Variants in RAD54L2 observed in about 807,000 individuals in gnomAD.
The protein encoded by RAD54L2 is helicase ARIP4.
In RAD54L2, 27 loss-of-function variants were observed where a neutral mutation model predicts 138.4. That is an observed-to-expected ratio of 0.20 (90% CI 0.14 to 0.27). The LOEUF (loss-of-function observed/expected upper bound fraction) is 0.27. Among genes scored for constraint, RAD54L2 ranks in the 10% least tolerant of loss-of-function variants. RAD54L2 has a pLI of 1.00. For synonymous variants in RAD54L2, 644 were observed against 723.2 expected (o/e 0.89, Z 1.76); for missense variants, 1,396 against 1,890.2 (o/e 0.74, Z 4.85).
intron 2 of RAD54L2, among the ~76,000 whole-genome samples, chr3:51,552,310 T>A (rs1698857944): frequency 6.6e-6 from 1 of 152,010 alleles, no homozygotes; most frequent in African/African-American, 2.4e-5. Flanking sequence ...TCGCCCAGGC[T>A]AGAGTGCAGT....
chr3:51,653,071 A>G (rs1281302077), intron 19 of RAD54L2, among the ~76,000 whole-genome samples: 1 of 152,238 alleles, frequency 6.6e-6, no homozygotes, highest in Non-Finnish European at 1.5e-5. Flanking sequence ...AAGAACTTAA[A>G]CAAATTTACA....
rs760046858 is a variant in RAD54L2, at chr3:51,663,192, C to T, written c.4176C>T (p.Ser1392=). 32 of 1,613,852 alleles carry T rather than the reference C, an allele frequency of 2.0e-5. No individual in the cohort carries two copies. Among genetic ancestry groups the T allele is most frequent in the African/African-American group, 9.3e-5 (7 of 74,918 alleles). The part of the protein sequence containing the change: ...YSLPFSQPLL[S]EPRMFAPFPS... ...TCCCATTCTCACAGCCACTCCTGTC[C>T]GAGCCGAGGATGTTTGCGCCTTTTC... Residue 1392 remains serine, a synonymous_variant, in exon 23 of 23, where the codon TCC becomes TCT. Coordinates refer to ENST00000684192, the MANE Select transcript of RAD54L2 (RefSeq NM_015106.4).
At chr3:51,642,676 A>G (rs1284892297) in intron 15 of RAD54L2, among the ~76,000 whole-genome samples, 3 of 152,136 alleles carry the variant, frequency 2.0e-5, no homozygotes, top group African/African-American at 4.8e-5. Context: ...AGACATTGCA[A>G]AATGTCCCGT....
intron 2 of RAD54L2, among the ~76,000 whole-genome samples, chr3:51,549,777 CA>C (rs5848927): frequency 0.042 from 2,645 of 63,024 alleles, 62 homozygotes; most frequent in African/African-American, 0.12. Context: ...GTCTCCATCT[CA>C]AAAAAAAAAA....
At chr3:51,574,964 GT>G (rs1254224260) in intron 2 of RAD54L2, among the ~76,000 whole-genome samples, 3 of 152,092 alleles carry the variant, frequency 2.0e-5, no homozygotes, top group Admixed American at 2.0e-4. Flanking sequence ...TTCTTCTAGG[GT>G]TTTTTTGGTT....
In RAD54L2 at chr3:51,645,794, A is replaced by G; in HGVS notation, c.2829+31A>G. The G allele has an allele frequency of 6.4e-7, 1 of 1,573,898 alleles. No individual in the cohort carries two copies. The highest frequency in any genetic ancestry group is 1.2e-5 in the South Asian group (1 of 84,870). On this transcript the variant is annotated intron_variant, in intron 18 of 22. Transcript: ENST00000684192. This position sits in a 1 kb window ranked among gnomAD's most constrained non-coding sequence, Gnocchi z 6.1. ...AACTTGGTATGCATGCAATCCCCAG[A>G]GTGGCAGTCTCTCTGTCAAAGGAGG...
At chr3:51,560,461 G>A (rs1014181337) in intron 2 of RAD54L2, among the ~76,000 whole-genome samples, 16 of 150,854 alleles carry the variant, frequency 1.1e-4, no homozygotes, top group African/African-American at 2.9e-4. Flanking sequence ...CTGGGATCAC[G>A]CCATTCTCCT....
chr3:51,609,229 C>T (rs1161218660), intron 3 of RAD54L2, among the ~76,000 whole-genome samples: 1 of 152,194 alleles, frequency 6.6e-6, no homozygotes, highest in Non-Finnish European at 1.5e-5. Context: ...TCTTCTCTGA[C>T]CAGAGTTTAC....
intron 2 of RAD54L2, among the ~76,000 whole-genome samples, chr3:51,551,105 A>C (rs1440802349): frequency 1.3e-5 from 2 of 150,262 alleles, no homozygotes; most frequent in East Asian, 3.9e-4. Context: ...TAGTCTATCT[A>C]CCTTTCTGTG....
chr3:51,539,628 G>A (rs1454216216), intron 1 of RAD54L2, among the ~76,000 whole-genome samples: 1 of 152,022 alleles, frequency 6.6e-6, no homozygotes, highest in Non-Finnish European at 1.5e-5. Context: ...TTGTGGTTTG[G>A]GGAGTGTAGA....
At position 51,662,438 on chromosome 3, in the gene RAD54L2, C is replaced by T; in HGVS notation, c.3422C>T (p.Pro1141Leu). 6.6e-7 allele frequency: 1 copy of T among 1,525,314 alleles called. No individual in the cohort carries two copies. The highest frequency in any genetic ancestry group is 8.8e-7 in the Non-Finnish European group (1 of 1,134,786). The allele number at this position is 1,525,314 out of a possible 1,614,324, so 94.5% of individuals were successfully genotyped here. Residue 1141 changes from proline (P) to leucine (L), a missense_variant, in exon 23 of 23, where the codon CCT (proline) becomes CTT (leucine). Coordinates refer to ENST00000684192, the MANE Select transcript of RAD54L2 (RefSeq NM_015106.4). The surrounding 1 kb of genome is among the most constrained non-coding windows in gnomAD (Gnocchi z 4.6). ...GRMAASGSQG[P>L]SCESTSNGRH... ...ATTTTGTCCCCAGGTTCCCAGGGAC[C>T]TTCTTGCGAGTCCACAAGCAACGGC...
At chr3:51,574,905 T>G (rs962738912) in intron 2 of RAD54L2, among the ~76,000 whole-genome samples, 3 of 152,200 alleles carry the variant, frequency 2.0e-5, no homozygotes, top group Non-Finnish European at 4.4e-5. Context: ...GGTGTTTTAG[T>G]CATGAAATCC....
At chr3:51,618,134 A>ATT (rs58259844) in intron 3 of RAD54L2, among the ~76,000 whole-genome samples, 3 of 112,138 alleles carry the variant, frequency 2.7e-5, no homozygotes, top group Non-Finnish European at 3.8e-5. Flanking sequence ...AATATTTTGT[A>ATT]TTTTTTTTTT....
Position 51,667,788 on chromosome 3 carries a change from C to T in RAD54L2, c.*4368C>T, listed in dbSNP as rs1701941542. On this transcript the variant is annotated 3_prime_UTR_variant, in exon 23 of 23. Transcript: ENST00000684192. ...TTAGCCCTAGGCCTTTTATGAATAC[C>T]TGAGTCTTATAACAATGAACTTCTT... The T allele has an allele frequency of 6.6e-6, 1 of 152,268 alleles. No individual in the cohort carries two copies. Among genetic ancestry groups the T allele is most frequent in the Non-Finnish European group, 1.5e-5 (1 of 68,110 alleles). The allele number at this position is 152,268 out of a possible 1,614,324, so 9.4% of individuals were successfully genotyped here.
chr3:51,620,375 AGGC>A (rs1700543390), intron 3 of RAD54L2, among the ~76,000 whole-genome samples: 1 of 141,904 alleles, frequency 7.0e-6, no homozygotes, highest in South Asian at 2.2e-4. Context: ...CTGGGATTAC[AGGC>A]GTGATCCACT....
At position 51,637,258 on chromosome 3, in the gene RAD54L2, G is replaced by T; in HGVS notation, c.1437G>T (p.Leu479=). The T allele has an allele frequency of 6.2e-7, 1 of 1,604,642 alleles. No individual in the cohort carries two copies. Among genetic ancestry groups the T allele is most frequent in the East Asian group, 2.3e-5 (1 of 44,422 alleles). ...KNCQASTSQA[L]KNIRSRRRVV... is the part of the protein sequence containing the mutation. Reference sequence around the variant, plus strand: ...GCCAGGCCAGCACCTCACAGGCTCTGAAGAATATCCGCTCTCGCCGCCGGG... The same window carrying T: ...GCCAGGCCAGCACCTCACAGGCTCTTAAGAATATCCGCTCTCGCCGCCGGG... The change falls in exon 11 of 23, where the codon CTG becomes CTT. Residue 479 remains leucine (L), a synonymous_variant. Transcript: ENST00000684192. The surrounding 1 kb of genome is among the most constrained non-coding windows in gnomAD (Gnocchi z 5.9).
intron 2 of RAD54L2, among the ~76,000 whole-genome samples, chr3:51,576,037 A>G (rs1699473756): frequency 6.6e-6 from 1 of 152,172 alleles, no homozygotes; most frequent in South Asian, 2.1e-4. Context: ...TACCTAGTTT[A>G]TTGAGAGTTT....
intron 3 of RAD54L2, among the ~76,000 whole-genome samples, chr3:51,621,087 C>CA (rs960677704): frequency 6.6e-6 from 1 of 151,384 alleles, no homozygotes; most frequent in African/African-American, 2.4e-5. Context: ...TTTGAAATAA[C>CA]AGATTTTTTA....
intron 1 of RAD54L2, among the ~76,000 whole-genome samples, chr3:51,539,315 G>A (rs1220242877): frequency 1.3e-5 from 2 of 152,156 alleles, no homozygotes; most frequent in Admixed American, 6.5e-5. Context: ...TAATCCCTAA[G>A]GCGCATCTGG....
Sources: gnomAD v4.1 joint callset for allele counts (sites outside exome capture counted in the v4.1 genomes callset) on GRCh38, gnomAD v4.1.1 for gene constraint, Gnocchi (gnomAD v3.1) non-coding constraint, MANE v1.5 for transcripts, NCBI Gene and HGNC (gene_info 2026-07-23, HGNC 2026-07-21) for gene names.